The following NKAIN3 variants were observed in gnomAD, a reference collection of about 807,000 sequenced individuals.
NKAIN3 encodes sodium/potassium-transporting ATPase subunit beta-1-interacting protein 3.
Under a neutral mutation model 30.2 loss-of-function variants are expected in NKAIN3, and 25 were observed. The observed-to-expected ratio is 0.83, with a 90% CI of 0.60 to 1.16. The LOEUF is 1.16. Ranked by LOEUF, NKAIN3 falls within the 50% of genes most tolerant of loss-of-function variation. The pLI is 0.00. For synonymous variants in NKAIN3, 91 were observed against 89.6 expected, an observed-to-expected ratio of 1.02 and a Z score of -0.09; for missense variants, 225 against 254.1, an observed-to-expected ratio of 0.89 and a Z score of 0.78.
chr8:62,894,866 A>G (rs1586319500), intron 4 of NKAIN3, among the ~76,000 whole-genome samples: 1 of 152,286 alleles, frequency 6.6e-6, no homozygotes. Context: ...CATGAGCACA[A>G]CATAATTGCT....
chr8:62,548,581 A>G (rs1809091313), intron 1 of NKAIN3, among the ~76,000 whole-genome samples: 1 of 152,168 alleles, frequency 6.6e-6, no homozygotes, highest in South Asian at 2.1e-4. Flanking sequence ...TGGAAAAAAA[A>G]TCCTTATTGG....
chr8:62,577,009 A>C (rs1362344372), intron 1 of NKAIN3, among the ~76,000 whole-genome samples: 1 of 152,162 alleles, frequency 6.6e-6, no homozygotes, highest in African/African-American at 2.4e-5. Flanking sequence ...GTTAGATAGA[A>C]TAATTAGGTA....
chr8:62,908,272 A>G (rs1396167376), intron 4 of NKAIN3, among the ~76,000 whole-genome samples: 1 of 152,184 alleles, frequency 6.6e-6, no homozygotes, highest in Non-Finnish European at 1.5e-5. Flanking sequence ...GTATCTTGGA[A>G]GTAATTAACA....
At chr8:62,420,683 T>A (rs1434469337) in intron 1 of NKAIN3, among the ~76,000 whole-genome samples, 1 of 152,128 alleles carries the variant, frequency 6.6e-6, no homozygotes. Flanking sequence ...GTGTTTTGGA[T>A]TAAGTTTGAA....
intron 4 of NKAIN3, among the ~76,000 whole-genome samples, chr8:62,801,016 A>G (rs1387141868): frequency 6.6e-6 from 1 of 152,204 alleles, no homozygotes; most frequent in Non-Finnish European, 1.5e-5. Flanking sequence ...ACTGATTGCT[A>G]GCACAGCAGT....
At chr8:62,945,854 C>T (rs189444613) in intron 5 of NKAIN3, among the ~76,000 whole-genome samples, 212 of 152,246 alleles carry the variant, frequency 1.4e-3, no homozygotes, top group African/African-American at 4.8e-3. Flanking sequence ...ACAAGTTGCC[C>T]TCAAGGACAA....
At chr8:62,361,881 C>G (rs1005740423) in intron 1 of NKAIN3, among the ~76,000 whole-genome samples, 1 of 152,158 alleles carries the variant, frequency 6.6e-6, no homozygotes, top group Non-Finnish European at 1.5e-5. Flanking sequence ...CCCTATAATG[C>G]TCAATGCATT....
At chr8:62,747,303 T>C (rs1816109720) in intron 4 of NKAIN3, among the ~76,000 whole-genome samples, 174 bp downstream of exon 4, 1 of 152,224 alleles carries the variant, frequency 6.6e-6, no homozygotes, top group Non-Finnish European at 1.5e-5. Context: ...ACCTTTTTTC[T>C]CTTGGTATCT....
intron 1 of NKAIN3, among the ~76,000 whole-genome samples, chr8:62,314,468 A>G (rs911376959): frequency 2.4e-4 from 37 of 152,142 alleles, no homozygotes; most frequent in African/African-American, 8.9e-4. Context: ...ATGAAACCGG[A>G]CTTACTTCCT....
At chr8:62,768,628 T>TTTTC (rs1388415054) in intron 4 of NKAIN3, among the ~76,000 whole-genome samples, 1 of 152,132 alleles carries the variant, frequency 6.6e-6, no homozygotes, top group African/African-American at 2.4e-5. Flanking sequence ...CAACAGGAAA[T>TTTTC]AGCAGCTCTG....
chr8:62,510,650 A>G (rs963456852), intron 1 of NKAIN3, among the ~76,000 whole-genome samples: 2 of 152,168 alleles, frequency 1.3e-5, no homozygotes, highest in African/African-American at 4.8e-5. Context: ...AGAATGTGGA[A>G]GTGAATAAGA....
At chr8:62,727,466 A>C (rs1390628137) in intron 3 of NKAIN3, among the ~76,000 whole-genome samples, 9 of 152,140 alleles carry the variant, frequency 5.9e-5, no homozygotes, top group African/African-American at 2.2e-4. Context: ...AACAATAACA[A>C]ACTCCTAGAA....
intron 4 of NKAIN3, among the ~76,000 whole-genome samples, chr8:62,835,570 G>A (rs957631062): frequency 6.6e-6 from 1 of 152,052 alleles, no homozygotes; most frequent in Admixed American, 6.6e-5. Flanking sequence ...CTTAAAAGCG[G>A]CCAACAAACA....
At chr8:62,435,851 A>G (rs1805156824) in intron 1 of NKAIN3, among the ~76,000 whole-genome samples, 1 of 152,210 alleles carries the variant, frequency 6.6e-6, no homozygotes, top group Non-Finnish European at 1.5e-5. Context: ...CTACTTCAGT[A>G]TACCTATTTT....
At chr8:62,905,368 C>T (rs4376493) in intron 4 of NKAIN3, among the ~76,000 whole-genome samples, 117,134 of 152,032 alleles carry the variant, frequency 0.77, 45,937 homozygotes, top group East Asian at 0.98. Context: ...ACCAGTGAAA[C>T]AATCTTTGTT....
intron 3 of NKAIN3, among the ~76,000 whole-genome samples, chr8:62,692,978 C>G (rs1440237073): frequency 6.6e-6 from 1 of 152,202 alleles, no homozygotes; most frequent in Non-Finnish European, 1.5e-5. Context: ...GTGTATTCTC[C>G]TAGTTAAAGA....
At chr8:62,828,862 G>T (rs1226658698) in intron 4 of NKAIN3, among the ~76,000 whole-genome samples, 1 of 152,136 alleles carries the variant, frequency 6.6e-6, no homozygotes, top group Non-Finnish European at 1.5e-5. Flanking sequence ...CCAGCCAGCA[G>T]CTAGGACCAA....
chr8:62,429,317 A>G (rs530336496), intron 1 of NKAIN3, among the ~76,000 whole-genome samples: 7 of 151,992 alleles, frequency 4.6e-5, no homozygotes, highest in African/African-American at 1.7e-4. Context: ...TTTATCATGA[A>G]GTGTGTTGAA....
intron 1 of NKAIN3, among the ~76,000 whole-genome samples, chr8:62,353,274 A>C (rs1227971752): frequency 2.6e-5 from 4 of 152,248 alleles, no homozygotes; most frequent in African/African-American, 9.6e-5. Flanking sequence ...AATAGTTCCT[A>C]TGTACATTCT....
Sources: gnomAD v4.1 joint callset for allele counts (sites outside exome capture counted in the v4.1 genomes callset) on GRCh38, gnomAD v4.1.1 for gene constraint, MANE v1.5 for transcripts, NCBI Gene and HGNC (gene_info 2026-07-23, HGNC 2026-07-21) for gene names.